The following MAP4K3 variants were observed in gnomAD, a reference collection of about 807,000 sequenced individuals.
MAP4K3 encodes the protein MAPK/ERK kinase kinase kinase 3.
A neutral mutation model predicts 143.5 loss-of-function variants in MAP4K3; 94 were observed. The observed-to-expected ratio is 0.65, with a 90% confidence interval of 0.55 to 0.78. The LOEUF (loss-of-function observed/expected upper bound fraction) is 0.78, where lower values mean the gene tolerates loss of function less well. Ranked by LOEUF, MAP4K3 falls within the 30% of genes least tolerant of loss-of-function variation. The pLI, the probability that MAP4K3 is intolerant of heterozygous loss-of-function variation, is 0.00. For missense variants in MAP4K3, 1,077 were observed against 1,068.1 expected, an observed-to-expected ratio of 1.01 and a Z score of -0.12; for synonymous variants, 416 against 347.2, an observed-to-expected ratio of 1.20 and a Z score of -2.20.
rs749431504 is a variant in MAP4K3, at chr2:39,336,973, G to A, written c.367-6C>T. The A allele has an allele frequency of 2.2e-6, 3 of 1,341,644 alleles. No individual in the cohort carries two copies. The highest frequency in any genetic ancestry group is 4.2e-5 in the Admixed American group (2 of 47,728). 83.1% of individuals were successfully genotyped at this position (1,341,644 alleles called of 1,614,324 possible). On this transcript the variant is annotated splice_region_variant and splice_polypyrimidine_tract_variant and intron_variant, in intron 5 of 33. Transcript: ENST00000263881. ...CTGTGAAGATAATATAATCCCTGGA[G>A]TTTCAAAAAACAGAAAAATAAACAA... is the stretch of plus-strand genomic sequence containing the variant.
In MAP4K3 at chr2:39,280,310, AT is replaced by A. The variant is rs773014514; in HGVS notation, c.1675del (p.Ile559PhefsTer8). 1 of 1,603,960 alleles carries A rather than the reference AT, an allele frequency of 6.2e-7. No homozygotes were observed. Among genetic ancestry groups the A allele is most frequent in the Non-Finnish European group, 8.5e-7 (1 of 1,173,954 alleles). On this transcript the variant is annotated frameshift_variant, in exon 23 of 34. Transcript: ENST00000263881. LOFTEE classifies it high-confidence loss of function. ...GTTTATCCATGATGATGCACAGTGA[AT>A]TTTCAAGGGACACCCATTAAAAACT... ...SKVFNGCPLK[I>X]HCASSWINPD...
At chr2:39,391,204 C>T (rs934666246) in intron 1 of MAP4K3, among the ~76,000 whole-genome samples, 3 of 150,850 alleles carry the variant, frequency 2.0e-5, no homozygotes, top group African/African-American at 7.3e-5. Flanking sequence ...AAAAAACACA[C>T]AAAAATTAGC....
intron 21 of MAP4K3, among the ~76,000 whole-genome samples, chr2:39,284,745 G>A (rs1215609244): frequency 6.6e-6 from 1 of 151,680 alleles, no homozygotes; most frequent in African/African-American, 2.4e-5. Context: ...TCAGGAGGCT[G>A]AGGCAGGAGA....
chr2:39,293,235 A>C lies in MAP4K3; in HGVS notation c.1212T>G (p.His404Gln). The C allele has an allele frequency of 6.4e-7, 1 of 1,550,838 alleles. No homozygotes were observed. The highest frequency in any genetic ancestry group is 8.7e-7 in the Non-Finnish European group (1 of 1,145,178). ...SLLKSVEEEL[H>Q]QRGHVAHLED... ...AGATTAAAAATTAAAATTACCGCTGATGCAATTCTTCTTCAACAGACTTGA... is the reference window on the plus strand; with the variant it reads ...AGATTAAAAATTAAAATTACCGCTGCTGCAATTCTTCTTCAACAGACTTGA... The change falls in exon 17 of 34, where the codon CAT becomes CAG. Residue 404 changes from histidine to glutamine, a missense_variant. Around this residue, in one of 2 missense-constraint regions of MAP4K3, gnomAD observed 864 missense variants for 801.2 expected, o/e 1.08. Transcript: ENST00000263881.
chr2:39,254,367 T>A, intron 32 of MAP4K3, 83 bp downstream of exon 32: 1 of 1,093,812 alleles, frequency 9.1e-7, no homozygotes, highest in East Asian at 2.4e-5. Flanking sequence ...AATCAAGCAT[T>A]ACTTGTATCA....
At chr2:39,359,015 T>C (rs751460918) in intron 2 of MAP4K3, among the ~76,000 whole-genome samples, 30 of 152,202 alleles carry the variant, frequency 2.0e-4, no homozygotes, top group Non-Finnish European at 3.2e-4. Context: ...CCCCAAAGTC[T>C]TAGTTCACTC....
intron 1 of MAP4K3, among the ~76,000 whole-genome samples, chr2:39,394,187 A>T (rs1222800482): frequency 6.6e-6 from 1 of 152,198 alleles, no homozygotes; most frequent in African/African-American, 2.4e-5. Context: ...CACTGTTTTC[A>T]CTTTTCTCCT....
intron 20 of MAP4K3, 66 bp downstream of exon 20, chr2:39,288,055 A>G (rs1253046339): frequency 5.7e-6 from 9 of 1,570,608 alleles, no homozygotes; most frequent in Non-Finnish European, 7.8e-6. Flanking sequence ...CTCTTAAAAG[A>G]AAGTTTTTTT....
chr2:39,416,382 G>A (rs1260283548), intron 1 of MAP4K3, among the ~76,000 whole-genome samples: 3 of 152,082 alleles, frequency 2.0e-5, no homozygotes, highest in Non-Finnish European at 4.4e-5. Flanking sequence ...TTTGCTAACT[G>A]CAATTCTGAC....
At chr2:39,321,919 A>C (rs997614890) in intron 12 of MAP4K3, among the ~76,000 whole-genome samples, 7 of 152,224 alleles carry the variant, frequency 4.6e-5, no homozygotes, top group African/African-American at 1.7e-4. Flanking sequence ...TGACCCTGAC[A>C]CATCCCCCTC....
At chr2:39,382,118 T>C (rs989033266) in intron 1 of MAP4K3, among the ~76,000 whole-genome samples, 1 of 152,188 alleles carries the variant, frequency 6.6e-6, no homozygotes, top group Non-Finnish European at 1.5e-5. Flanking sequence ...CCATTCAGAT[T>C]TGAACTAGTT....
At chr2:39,401,785 G>C (rs993386582) in intron 1 of MAP4K3, among the ~76,000 whole-genome samples, 1 of 152,086 alleles carries the variant, frequency 6.6e-6, no homozygotes, top group Non-Finnish European at 1.5e-5. Context: ...TGGATGACAG[G>C]AGTGTGACCC....
chr2:39,343,293 C>T (rs1454681291), intron 4 of MAP4K3, 95 bp downstream of exon 4: 3 of 817,964 alleles, frequency 3.7e-6, no homozygotes, highest in African/African-American at 1.7e-5. Context: ...ACATAGCTTG[C>T]TTTCCTTAAG....
intron 20 of MAP4K3, 76 bp downstream of exon 20, chr2:39,288,045 C>A: frequency 6.5e-7 from 1 of 1,536,676 alleles, no homozygotes; most frequent in Admixed American, 1.9e-5. Flanking sequence ...TTCAAATAAT[C>A]TCTTAAAAGA....
chr2:39,404,605 TCTTCTTTCTTTC>T, intron 1 of MAP4K3, among the ~76,000 whole-genome samples: 1 of 150,202 alleles, frequency 6.7e-6, no homozygotes. Context: ...CTTTTTTTTT[TCTTCTTTCTTTC>T]TTTTTTTTTT....
At chr2:39,304,482 T>C (rs373370969) in intron 15 of MAP4K3, among the ~76,000 whole-genome samples, 2 of 152,136 alleles carry the variant, frequency 1.3e-5, no homozygotes, top group Non-Finnish European at 2.9e-5. Context: ...TTGATAAAAT[T>C]AGAACACAGA....
At chr2:39,280,058 T>C (rs753244946) in intron 23 of MAP4K3, among the ~76,000 whole-genome samples, 2 of 152,172 alleles carry the variant, frequency 1.3e-5, no homozygotes, top group African/African-American at 2.4e-5. Flanking sequence ...ACTATACTGA[T>C]ATGGTAACTA....
chr2:39,317,438 G>C (rs1040791680), intron 12 of MAP4K3, among the ~76,000 whole-genome samples: 1 of 151,800 alleles, frequency 6.6e-6, no homozygotes, highest in Non-Finnish European at 1.5e-5. Flanking sequence ...AAACAGGTTC[G>C]GCACAGCAAA....
At chr2:39,313,463 T>C (rs13027235) in intron 13 of MAP4K3, among the ~76,000 whole-genome samples, 7 of 103,186 alleles carry the variant, frequency 6.8e-5, no homozygotes, top group East Asian at 6.1e-4. Context: ...TCCTTCTTTC[T>C]TTCCTTCCTT....
Sources: allele counts gnomAD v4.1 joint callset (sites outside exome capture counted in the v4.1 genomes callset), GRCh38; gene constraint gnomAD v4.1.1; regional missense constraint gnomAD v4.1.1; transcripts MANE v1.5; gene names NCBI Gene and HGNC (gene_info 2026-07-23, HGNC 2026-07-21).